NCKAP5: variants seen among roughly 807,000 people sequenced by gnomAD.
NCKAP5 encodes the protein nck-associated protein 5.
A neutral mutation model predicts 167.0 loss-of-function variants in NCKAP5; 92 were observed. The ratio of observed to expected loss-of-function variants is 0.55; its 90% CI spans 0.47 to 0.66. The LOEUF (loss-of-function observed/expected upper bound fraction) is 0.66, where lower values mean the gene tolerates loss of function less well. NCKAP5 is among the 30% of genes least tolerant of loss of function. The probability of loss-of-function intolerance (pLI) is 0.00; values close to 1 mark genes in which losing one functional copy is unlikely to be tolerated. For missense variants in NCKAP5, 2,378 were observed against 2,315.0 expected, an observed-to-expected ratio of 1.03 and a Z score of -0.56; for synonymous variants, 891 against 877.4, an observed-to-expected ratio of 1.02 and a Z score of -0.27.
intron 4 of NCKAP5, among the ~76,000 whole-genome samples, chr2:133,214,718 G>T (rs1356745242): frequency 1.3e-5 from 2 of 151,502 alleles, no homozygotes; most frequent in African/African-American, 4.9e-5. Context: ...TAAAATGTTA[G>T]CTTTAGTAAG....
At chr2:133,006,775 A>G (rs956498939) in intron 6 of NCKAP5, among the ~76,000 whole-genome samples, 4 of 152,206 alleles carry the variant, frequency 2.6e-5, no homozygotes, top group African/African-American at 9.7e-5. Flanking sequence ...AAGAAAGGCA[A>G]GAAAATCTAA....
At chr2:133,181,603 CAAAAAAAAAAAAAA>C (rs34264277) in intron 5 of NCKAP5, among the ~76,000 whole-genome samples, 1 of 71,158 alleles carries the variant, frequency 1.4e-5, no homozygotes, top group East Asian at 4.3e-4. Flanking sequence ...CCCATCTCTA[CAAAAAAAAAAAAAA>C]AAAAAAAAAA....
At chr2:132,740,532 T>C (rs1679093614) in intron 16 of NCKAP5, among the ~76,000 whole-genome samples, 1 of 152,176 alleles carries the variant, frequency 6.6e-6, no homozygotes, top group South Asian at 2.1e-4. Context: ...CATGGTTTTC[T>C]CCAAGTAGTA....
chr2:132,698,865 A>C (rs759784998), intron 19 of NCKAP5, among the ~76,000 whole-genome samples: 2 of 152,062 alleles, frequency 1.3e-5, no homozygotes, highest in East Asian at 3.9e-4. Flanking sequence ...ACAAAAAAAA[A>C]AGTGCAAATT....
chr2:133,425,789 T>C (rs923127264), intron 3 of NCKAP5, among the ~76,000 whole-genome samples: 3 of 152,156 alleles, frequency 2.0e-5, no homozygotes, highest in African/African-American at 4.8e-5. Context: ...AAATGGATAT[T>C]TGGTATGCTA....
chr2:133,465,592 C>G (rs1285705304), intron 3 of NCKAP5, among the ~76,000 whole-genome samples: 1 of 152,168 alleles, frequency 6.6e-6, no homozygotes, highest in Admixed American at 6.5e-5. Context: ...ATACTGACTT[C>G]CACAATGGTT....
At chr2:133,154,167 C>T (rs1159502879) in intron 5 of NCKAP5, among the ~76,000 whole-genome samples, 2 of 152,156 alleles carry the variant, frequency 1.3e-5, no homozygotes, top group African/African-American at 4.8e-5. Flanking sequence ...AAACTCTTTA[C>T]TGTTCTTGAT....
intron 16 of NCKAP5, among the ~76,000 whole-genome samples, chr2:132,735,745 G>A (rs1691446727): frequency 6.6e-6 from 1 of 152,104 alleles, no homozygotes; most frequent in South Asian, 2.1e-4. Flanking sequence ...TAAGAATCTT[G>A]ACAGCCTTTT....
At chr2:132,711,378 A>T (rs539031450) in intron 19 of NCKAP5, among the ~76,000 whole-genome samples, 10 of 152,344 alleles carry the variant, frequency 6.6e-5, no homozygotes, top group African/African-American at 2.2e-4. Flanking sequence ...TCAAAAGGGC[A>T]CCTTTCAAAA....
chr2:133,498,943 C>T (rs898549147), intron 3 of NCKAP5, among the ~76,000 whole-genome samples: 7 of 152,200 alleles, frequency 4.6e-5, no homozygotes, highest in Non-Finnish European at 7.4e-5. Flanking sequence ...GCACTCCTTT[C>T]GGAAATCCAG....
At chr2:133,323,159 GA>G (rs1056701878) in intron 3 of NCKAP5, among the ~76,000 whole-genome samples, 1 of 152,092 alleles carries the variant, frequency 6.6e-6, no homozygotes, top group Admixed American at 6.5e-5. Context: ...TAAAAGTAGG[GA>G]AAAATCTCAA....
intron 17 of NCKAP5, 71 bp downstream of exon 17, chr2:132,731,666 T>A (rs1691018530): frequency 6.8e-7 from 1 of 1,472,832 alleles, no homozygotes; most frequent in African/African-American, 1.4e-5. Flanking sequence ...GACTTACTCA[T>A]CTCCTGGTGA....
intron 8 of NCKAP5, among the ~76,000 whole-genome samples, chr2:132,950,301 A>C (rs1182897539): frequency 6.6e-6 from 1 of 152,116 alleles, no homozygotes; most frequent in African/African-American, 2.4e-5. Flanking sequence ...AATTTACTGA[A>C]TTTATATCTG....
At chr2:132,818,041 G>A (rs1342958653) in intron 11 of NCKAP5, among the ~76,000 whole-genome samples, 1 of 152,072 alleles carries the variant, frequency 6.6e-6, no homozygotes, top group East Asian at 1.9e-4. Flanking sequence ...TCCACCTCTC[G>A]AGCTCAAACA....
chr2:133,421,463 A>C (rs1280833631), intron 3 of NCKAP5, among the ~76,000 whole-genome samples: 1 of 152,228 alleles, frequency 6.6e-6, no homozygotes, highest in East Asian at 1.9e-4. Flanking sequence ...TAAAGCACAG[A>C]TCATTAGGGA....
chr2:132,890,367 T>C (rs1048656389), intron 8 of NCKAP5, among the ~76,000 whole-genome samples: 2 of 151,738 alleles, frequency 1.3e-5, no homozygotes, highest in African/African-American at 2.4e-5. Context: ...CTAGGGGGTA[T>C]ACAAAGATGG....
the NCKAP5 span, among the ~76,000 whole-genome samples, chr2:133,626,896 G>A: frequency 6.6e-6 from 1 of 151,868 alleles, no homozygotes; most frequent in Non-Finnish European, 1.5e-5. Flanking sequence ...AAGGAAAGTA[G>A]TTATTTGGGG....
intron 3 of NCKAP5, among the ~76,000 whole-genome samples, chr2:133,330,153 A>G (rs887832286): frequency 7.3e-6 from 1 of 137,648 alleles, no homozygotes; most frequent in African/African-American, 2.7e-5. Flanking sequence ...TGCAGCCTCT[A>G]CATCCCAGGC....
intron 8 of NCKAP5, among the ~76,000 whole-genome samples, chr2:132,903,940 G>C: frequency 6.6e-6 from 1 of 152,066 alleles, no homozygotes; most frequent in East Asian, 1.9e-4. Flanking sequence ...TTATGTATTG[G>C]GTGATAATTC....
Sources: gnomAD v4.1 joint callset for allele counts (sites outside exome capture counted in the v4.1 genomes callset) on GRCh38, gnomAD v4.1.1 for gene constraint, MANE v1.5 for transcripts, NCBI Gene and HGNC (gene_info 2026-07-23, HGNC 2026-07-21) for gene names.